The following ARNT2 variants were observed in gnomAD, a reference collection of about 807,000 sequenced individuals.
ARNT2 encodes the protein aryl hydrocarbon receptor nuclear translocator 2.
In ARNT2, 36 loss-of-function variants were observed where a neutral mutation model predicts 91.7. The observed-to-expected ratio is 0.39, with a 90% CI of 0.30 to 0.52. The LOEUF (loss-of-function observed/expected upper bound fraction) is 0.52. ARNT2 is among the 20% of genes least tolerant of loss of function. ARNT2 has a pLI of 0.72. For missense variants in ARNT2, 775 were observed against 939.3 expected, an observed-to-expected ratio of 0.83 and a Z score of 2.29; for synonymous variants, 365 against 347.1, an observed-to-expected ratio of 1.05 and a Z score of -0.57.
chr15:80,520,244 G>C (rs946137951), intron 8 of ARNT2, among the ~76,000 whole-genome samples: 1 of 152,100 alleles, frequency 6.6e-6, no homozygotes, highest in Non-Finnish European at 1.5e-5. Flanking sequence ...TGAAGATGTA[G>C]ACTCAAGAGT....
At chr15:80,518,313 G>T in intron 8 of ARNT2, among the ~76,000 whole-genome samples, 1 of 110,980 alleles carries the variant, frequency 9.0e-6, no homozygotes, top group South Asian at 2.9e-4. Flanking sequence ...ATGGAGTCTC[G>T]CACTGTCACC....
At chr15:80,561,101 G>A (rs1199513079) in intron 11 of ARNT2, among the ~76,000 whole-genome samples, 1 of 152,192 alleles carries the variant, frequency 6.6e-6, no homozygotes, top group African/African-American at 2.4e-5. Flanking sequence ...ATTCACAGGT[G>A]ACCAAGATGT....
chr15:80,491,127 C>T (rs895481868), intron 5 of ARNT2, among the ~76,000 whole-genome samples: 2 of 152,092 alleles, frequency 1.3e-5, no homozygotes, highest in African/African-American at 4.8e-5. Flanking sequence ...TGAAAAGGCT[C>T]TGGGGCAGGG....
Position 80,404,480 on chromosome 15 carries a change from C to G in ARNT2, c.-36C>G. The G allele has an allele frequency of 8.2e-7, 1 of 1,220,980 alleles. No individual in the cohort carries two copies. The highest frequency in any genetic ancestry group is 1.0e-6 in the Non-Finnish European group (1 of 961,530). The allele number at this position is 1,220,980 out of a possible 1,614,324, so 75.6% of individuals were successfully genotyped here. A position where few individuals can be genotyped will look rare whatever the true frequency, so the allele number is the denominator to read the frequency against. The stretch of plus-strand genomic sequence containing the variant: ...CGGGCTCCGCGCCGCCCCTCCCGCG[C>G]CCCTGCCAAGCGGGCGCCTATCCTC... On this transcript the variant is annotated 5_prime_UTR_variant, in exon 1 of 19. Transcript: ENST00000303329. This position sits in a 1 kb window ranked among gnomAD's most constrained non-coding sequence, Gnocchi z 5.5.
At chr15:80,424,730 G>C (rs943761705) in intron 1 of ARNT2, among the ~76,000 whole-genome samples, 1 of 151,348 alleles carries the variant, frequency 6.6e-6, no homozygotes. Flanking sequence ...ATTTTTCTTT[G>C]GTTTGTTGAC....
chr15:80,562,834 C>G (rs1395049495), intron 11 of ARNT2: 1 of 546,996 alleles, frequency 1.8e-6, no homozygotes, highest in Admixed American at 3.1e-5. Flanking sequence ...TGCTATAAAG[C>G]AGGCATTGAG....
intron 12 of ARNT2, among the ~76,000 whole-genome samples, chr15:80,568,340 T>C (rs900291701): frequency 2.0e-5 from 3 of 152,244 alleles, no homozygotes; most frequent in Non-Finnish European, 1.5e-5. Context: ...GGGAGTGATC[T>C]GAAGTTATCT....
chr15:80,445,417 T>C (rs1245558227), intron 1 of ARNT2, among the ~76,000 whole-genome samples: 1 of 143,162 alleles, frequency 7.0e-6, no homozygotes, highest in East Asian at 2.1e-4. Flanking sequence ...TTGAGAGCAG[T>C]GGGGATGTGT....
At chr15:80,540,323 G>GT (rs1566996598) in intron 8 of ARNT2, among the ~76,000 whole-genome samples, 1 of 152,004 alleles carries the variant, frequency 6.6e-6, no homozygotes, top group Non-Finnish European at 1.5e-5. Flanking sequence ...ACATGATTGC[G>GT]TTTTTTTGTA....
chr15:80,551,263 T>C lies in ARNT2; in HGVS notation c.942T>C (p.Ile314=), dbSNP rs1486150890. The C allele has an allele frequency of 2.5e-6, 4 of 1,613,706 alleles. No individual in the cohort carries two copies. The highest frequency in any genetic ancestry group is 3.4e-6 in the Non-Finnish European group (4 of 1,179,738). ...GQGSKYCLVA[I]GRLQVTSSPV... ...GCAGTAAATATTGCCTCGTGGCAAT[T>C]GGGAGACTCCAGGTAAGAAAAAATT... The change falls in exon 9 of 19, where the codon ATT becomes ATC. Residue 314 remains isoleucine, a synonymous_variant. Transcript: ENST00000303329.
chr15:80,497,147 T>G (rs942556052), intron 5 of ARNT2, among the ~76,000 whole-genome samples: 2 of 152,246 alleles, frequency 1.3e-5, no homozygotes, highest in African/African-American at 4.8e-5. Context: ...AATCAAACAC[T>G]AATCTAAGTA....
intron 8 of ARNT2, among the ~76,000 whole-genome samples, chr15:80,536,222 G>A (rs1320442939): frequency 1.3e-5 from 2 of 152,236 alleles, no homozygotes; most frequent in African/African-American, 4.8e-5. Context: ...TCTCTCTCCT[G>A]TGAGACAGGG....
At chr15:80,418,239 G>A (rs559447235) in intron 1 of ARNT2, among the ~76,000 whole-genome samples, 71 of 152,284 alleles carry the variant, frequency 4.7e-4, no homozygotes, top group African/African-American at 1.7e-3. Flanking sequence ...AGTCTGCTGG[G>A]TGTGTGCAGG....
chr15:80,530,992 A>G (rs781323277), intron 8 of ARNT2, among the ~76,000 whole-genome samples: 20 of 152,160 alleles, frequency 1.3e-4, no homozygotes, highest in Non-Finnish European at 2.6e-4. Flanking sequence ...TGTTTAAACT[A>G]TGTTTCCCAA....
intron 15 of ARNT2, 49 bp from the exon 16 acceptor site, chr15:80,580,362 A>ACC (rs766660811): frequency 6.2e-7 from 1 of 1,610,054 alleles, no homozygotes; most frequent in Non-Finnish European, 8.5e-7. Context: ...ACGTAGACTC[A>ACC]TGCAAACCAG....
At chr15:80,432,828 G>C (rs922236174) in intron 1 of ARNT2, among the ~76,000 whole-genome samples, 2 of 152,162 alleles carry the variant, frequency 1.3e-5, no homozygotes, top group African/African-American at 2.4e-5. Flanking sequence ...AGAAGCTCAT[G>C]CTCCCCTATC....
chr15:80,581,425 T>C (rs1567007767), intron 17 of ARNT2, 21 bp downstream of exon 17: 1 of 1,612,934 alleles, frequency 6.2e-7, no homozygotes, highest in Non-Finnish European at 8.5e-7. Flanking sequence ...AATGAGGGAG[T>C]GAGATTCTGG....
chr15:80,413,922 G>A (rs1434617493), intron 1 of ARNT2, among the ~76,000 whole-genome samples: 2 of 152,172 alleles, frequency 1.3e-5, no homozygotes, highest in African/African-American at 2.4e-5. Context: ...CCTAACAGCA[G>A]TTAAAAAAGC....
chr15:80,505,952 C>T (rs1021351355), intron 5 of ARNT2, among the ~76,000 whole-genome samples: 6 of 38,356 alleles, frequency 1.6e-4, no homozygotes, highest in East Asian at 7.0e-4. Context: ...TTTTTTGAGA[C>T]GGAGTCTTGC....
Sources: gnomAD v4.1 joint callset for allele counts (sites outside exome capture counted in the v4.1 genomes callset) on GRCh38, gnomAD v4.1.1 for gene constraint, Gnocchi (gnomAD v3.1) non-coding constraint, MANE v1.5 for transcripts, NCBI Gene and HGNC (gene_info 2026-07-23, HGNC 2026-07-21) for gene names.